MMAA: variants seen among roughly 807,000 people sequenced by gnomAD.
MMAA encodes the protein methylmalonic aciduria type A protein, mitochondrial.
In MMAA, 41 loss-of-function variants were observed where a neutral mutation model predicts 45.0. The ratio of observed to expected loss-of-function variants is 0.91; its 90% CI spans 0.71 to 1.18. The LOEUF is 1.18. MMAA is among the 50% of genes most tolerant of loss of function. The pLI, the probability that MMAA is intolerant of heterozygous loss-of-function variation, is 0.00. For synonymous variants in MMAA, 154 were observed against 178.2 expected, an observed-to-expected ratio of 0.86 and a Z score of 1.08; for missense variants, 460 against 495.7, an observed-to-expected ratio of 0.93 and a Z score of 0.68.
rs565459629 is a variant in MMAA, at chr4:145,642,194, T to C, written c.440-169T>C. 1.7e-5 allele frequency: 13 copies of C among 760,172 alleles called. No homozygotes were observed. The African/African-American group carries it at 2.3e-4, about 13-fold the overall frequency. 47.1% of individuals were successfully genotyped at this position (760,172 alleles called of 1,614,324 possible). On this transcript the variant is annotated intron_variant, in intron 2 of 6. Transcript: ENST00000649156. ...TTCCTATAGCCCCATTACTCAGGAA[T>C]TAAAGAAACAGATTTTTATTTGCCA...
chr4:145,655,559 C>A lies in MMAA; in HGVS notation c.*125C>A. On this transcript the variant is annotated 3_prime_UTR_variant, in exon 7 of 7. Transcript: ENST00000649156. ...GCTCTTGTCTTCTTTGTTTGTGACC[C>A]ATGCTTGAAAACTTGAAGGAAGTTA... The A allele has an allele frequency of 1.0e-6, 1 of 986,666 alleles. No individual in the cohort carries two copies. 61.1% of individuals were successfully genotyped at this position (986,666 alleles called of 1,614,324 possible). A position where few individuals can be genotyped will look rare whatever the true frequency, so the allele number is the denominator to read the frequency against.
intron 1 of MMAA, 54 bp from the exon 2 acceptor site, chr4:145,639,021 C>T (rs1018765033): frequency 3.8e-5 from 35 of 914,988 alleles, no homozygotes; most frequent in Non-Finnish European, 5.8e-5. Flanking sequence ...AATTTTACTA[C>T]TTCAGTATTT....
Position 145,651,082 on chromosome 4 carries a change from G to A in MMAA, c.754G>A (p.Ala252Thr), listed in dbSNP as rs1254628474. 4.3e-6 allele frequency: 7 copies of A among 1,614,166 alleles called. No homozygotes were observed. The highest frequency in any genetic ancestry group is 5.9e-6 in the Non-Finnish European group (7 of 1,180,016). Residue 252 changes from alanine (A) to threonine (T), a missense_variant, in exon 5 of 7, where the codon GCT becomes ACT. Ala to Thr is a moderately conservative substitution (Grantham distance 58). Coordinates refer to ENST00000649156, the MANE Select transcript of MMAA (RefSeq NM_172250.3). ...TTCAGGTGTGGGTCAGTCGGAGTTT[G>A]CTGTTGCTGACATGGTTGACATGTT... ...ETVGVGQSEF[A>T]VADMVDMFVL... is the part of the protein sequence containing the mutation.
intron 1 of MMAA, among the ~76,000 whole-genome samples, chr4:145,634,974 A>G (rs1250476863): frequency 6.6e-6 from 1 of 151,784 alleles, no homozygotes; most frequent in Non-Finnish European, 1.5e-5. Flanking sequence ...CTCAAGCAGA[A>G]AGAAGGTGTC....
At chr4:145,642,225 G>A in intron 2 of MMAA, 138 bp from the exon 3 acceptor site, 1 of 986,362 alleles carries the variant, frequency 1.0e-6, no homozygotes. Flanking sequence ...TGCCATTTTA[G>A]GACATGTTGA....
chr4:145,646,461 C>G lies in MMAA; in HGVS notation c.733+305C>G, dbSNP rs534365225. 53 of 331,588 alleles carry G rather than the reference C, an allele frequency of 1.6e-4. No individual in the cohort carries two copies. The South Asian group carries it at 1.7e-3, about 11-fold the overall frequency. 20.5% of individuals were successfully genotyped at this position (331,588 alleles called of 1,614,324 possible). A position where few individuals can be genotyped will look rare whatever the true frequency, so the allele number is the denominator to read the frequency against. Reference sequence around the variant, plus strand: ...TGTAAATGATGCTTTGGCACAACACCTATTTTAAGTACATTTCATATGTCT... The same window carrying G: ...TGTAAATGATGCTTTGGCACAACACGTATTTTAAGTACATTTCATATGTCT... On this transcript the variant is annotated intron_variant, in intron 4 of 6. Transcript: ENST00000649156.
intron 1 of MMAA, among the ~76,000 whole-genome samples, chr4:145,620,751 A>G (rs977646143): frequency 6.6e-6 from 1 of 152,190 alleles, no homozygotes; most frequent in African/African-American, 2.4e-5. Flanking sequence ...AAAGTCCTAG[A>G]GACTGGGATG....
At chr4:145,644,097 T>G (rs1331886744) in intron 3 of MMAA, among the ~76,000 whole-genome samples, 1 of 152,180 alleles carries the variant, frequency 6.6e-6, no homozygotes, top group Non-Finnish European at 1.5e-5. Context: ...ATAGTCAATC[T>G]TTTTTGTGCT....
intron 2 of MMAA, among the ~76,000 whole-genome samples, chr4:145,641,580 T>C (rs935867072): frequency 2.0e-5 from 3 of 152,246 alleles, no homozygotes; most frequent in African/African-American, 4.8e-5. Context: ...TGCCATGCAC[T>C]GTTCTAAACA....
chr4:145,642,235 AAATAT>A, intron 2 of MMAA, 123 bp from the exon 3 acceptor site: 1 of 1,065,388 alleles, frequency 9.4e-7, no homozygotes, highest in Non-Finnish European at 1.4e-6. Context: ...GGACATGTTG[AAATAT>A]ATTAATTGTG....
chr4:145,646,987 G>A (rs998122296), intron 4 of MMAA, among the ~76,000 whole-genome samples: 3 of 152,138 alleles, frequency 2.0e-5, no homozygotes, highest in African/African-American at 7.2e-5. Context: ...AGATCCTGCT[G>A]GATAAGCAGG....
rs1432748872 is a variant in MMAA, at chr4:145,659,359, C to A, written c.*3925C>A. On this transcript the variant is annotated 3_prime_UTR_variant, in exon 7 of 7. Transcript: ENST00000649156. ...AATGCTTTTGTTTTAGAGAAAATTT[C>A]ACTCTGTACTAGAAAATGTAGATGA... 1 of 152,120 alleles carries A rather than the reference C, an allele frequency of 6.6e-6. No homozygotes were observed. The highest frequency in any genetic ancestry group is 1.5e-5 in the Non-Finnish European group (1 of 68,022). 9.4% of individuals were successfully genotyped at this position (152,120 alleles called of 1,614,324 possible). A position where few individuals can be genotyped will look rare whatever the true frequency, so the allele number is the denominator to read the frequency against.
intron 4 of MMAA, 168 bp downstream of exon 4, chr4:145,646,324 C>A: frequency 2.6e-6 from 2 of 765,372 alleles, no homozygotes; most frequent in Non-Finnish European, 4.1e-6. Context: ...ATAATCTTTA[C>A]CCTCCAAGAT....
chr4:145,621,146 A>G (rs1734080880), intron 1 of MMAA, among the ~76,000 whole-genome samples: 1 of 152,184 alleles, frequency 6.6e-6, no homozygotes, highest in Admixed American at 6.5e-5. Context: ...ATGCATACTC[A>G]TTTATACTCA....
Position 145,655,500 on chromosome 4 carries a change from T to G in MMAA, c.*66T>G. Reference sequence around the variant, plus strand: ...AAAGTATTTTAATAGAAAAATCACTTGTATGCTTATATTTTCAGTAATTAT... The same window carrying G: ...AAAGTATTTTAATAGAAAAATCACTGGTATGCTTATATTTTCAGTAATTAT... On this transcript the variant is annotated 3_prime_UTR_variant, in exon 7 of 7. Coordinates refer to ENST00000649156, the MANE Select transcript of MMAA (RefSeq NM_172250.3). The G allele has an allele frequency of 1.5e-6, 2 of 1,371,762 alleles. No homozygotes were observed. The highest frequency in any genetic ancestry group is 2.0e-6 in the Non-Finnish European group (2 of 995,276). 85.0% of individuals were successfully genotyped at this position (1,371,762 alleles called of 1,614,324 possible). A position where few individuals can be genotyped will look rare whatever the true frequency, so the allele number is the denominator to read the frequency against.
intron 1 of MMAA, chr4:145,624,035 T>C: frequency 1.3e-6 from 1 of 761,128 alleles, no homozygotes; most frequent in Non-Finnish European, 2.4e-6. Flanking sequence ...AGTTCAAAAT[T>C]AGGCAGGAGA....
In MMAA at chr4:145,655,991, G is replaced by A. The variant is rs979942593; in HGVS notation, c.*557G>A. The A allele has an allele frequency of 6.6e-6, 1 of 152,200 alleles. No homozygotes were observed. The highest frequency in any genetic ancestry group is 1.5e-5 in the Non-Finnish European group (1 of 68,058). 9.4% of individuals were successfully genotyped at this position (152,200 alleles called of 1,614,324 possible). The stretch of plus-strand genomic sequence containing the variant: ...GTGAACACAATTTTAAAGTCTGCTT[G>A]TCTGGATTTGCAGGTACCCTTCCGC... On this transcript the variant is annotated 3_prime_UTR_variant, in exon 7 of 7. Transcript: ENST00000649156.
At chr4:145,637,044 A>G (rs1727634727) in intron 1 of MMAA, among the ~76,000 whole-genome samples, 1 of 152,232 alleles carries the variant, frequency 6.6e-6, no homozygotes, top group African/African-American at 2.4e-5. Context: ...ATATATTAAT[A>G]GAAGGTTATG....
At chr4:145,620,871 A>T (rs987570854) in intron 1 of MMAA, among the ~76,000 whole-genome samples, 11 of 152,240 alleles carry the variant, frequency 7.2e-5, no homozygotes, top group Non-Finnish European at 4.4e-5. Context: ...TTTGGAAGAT[A>T]GTAAACTCTC....
Sources: allele counts gnomAD v4.1 joint callset (sites outside exome capture counted in the v4.1 genomes callset), GRCh38; gene constraint gnomAD v4.1.1; transcripts MANE v1.5; gene names NCBI Gene and HGNC (gene_info 2026-07-23, HGNC 2026-07-21).